COL4A1: variants seen among roughly 807,000 people sequenced by gnomAD.
The protein encoded by COL4A1 is collagen type IV alpha 1 chain, also known as collagen alpha-1(IV) chain.
COL4A1 carries 40 observed loss-of-function variants against 216.6 expected under a neutral mutation model. That is an observed-to-expected ratio of 0.18 (90% confidence interval 0.14 to 0.24). COL4A1 has a LOEUF of 0.24. Among genes scored for constraint, COL4A1 ranks in the 10% least tolerant of loss-of-function variants. The probability of loss-of-function intolerance (pLI) is 1.00; values close to 1 mark genes in which losing one functional copy is unlikely to be tolerated. For synonymous variants in COL4A1, 839 were observed against 810.7 expected (o/e 1.03, Z -0.59); for missense variants, 1,628 against 2,196.8 (o/e 0.74, Z 5.18).
chr13:110,187,101 T>C (rs376977912), intron 25 of COL4A1, 37 bp downstream of exon 25: 1 of 1,612,056 alleles, frequency 6.2e-7, no homozygotes, highest in East Asian at 2.2e-5. Flanking sequence ...AGATCCACAC[T>C]GTAAAATGCA....
chr13:110,193,095 C>T (rs566345251), intron 22 of COL4A1, among the ~76,000 whole-genome samples, 182 bp from the exon 23 acceptor site: 33 of 152,312 alleles, frequency 2.2e-4, no homozygotes, highest in African/African-American at 6.3e-4. Flanking sequence ...CAGTCAAACG[C>T]ACGTCCCTGT....
intron 1 of COL4A1, among the ~76,000 whole-genome samples, chr13:110,246,354 A>G (rs1881811936): frequency 1.3e-5 from 2 of 152,134 alleles, no homozygotes; most frequent in Admixed American, 6.5e-5. Context: ...AAAGAAAAAA[A>G]AAATACAAAG....
chr13:110,254,381 G>A (rs999386526), intron 1 of COL4A1, among the ~76,000 whole-genome samples: 21 of 152,156 alleles, frequency 1.4e-4, no homozygotes, highest in African/African-American at 4.8e-4. Context: ...TGAGGGCTCC[G>A]TTTGCCTCTG....
intron 18 of COL4A1, among the ~76,000 whole-genome samples, chr13:110,203,196 G>C (rs1879326013): frequency 6.6e-6 from 1 of 151,584 alleles, no homozygotes; most frequent in African/African-American, 2.4e-5. Flanking sequence ...CTGGGCAACA[G>C]AGCAAGACTC....
intron 2 of COL4A1, among the ~76,000 whole-genome samples, chr13:110,231,715 G>A (rs972240001): frequency 2.6e-5 from 4 of 152,160 alleles, no homozygotes; most frequent in African/African-American, 9.7e-5. Context: ...GTGGACATTG[G>A]TTCTCCAGCT....
chr13:110,209,292 CT>C (rs1490878378), intron 11 of COL4A1, 99 bp downstream of exon 11: 90 of 1,132,974 alleles, frequency 7.9e-5, no homozygotes, highest in East Asian at 1.4e-4. Context: ...AATTTTCCAA[CT>C]TTTTTTTAGA....
rs750159255 is a variant in COL4A1, at chr13:110,178,200, G to A, written c.2490C>T (p.Phe830=). ...GCATGTCCAGTCCAGGGAATCCGGG[G>A]AAACCCTTCTCTCCTTTTATTCCAG... ...GPPGIKGEKG[F]PGFPGLDMPG... The change falls in exon 32 of 52, where the codon TTC becomes TTT. Residue 830 remains phenylalanine (F), a synonymous_variant. Transcript: ENST00000375820. 9 of 1,614,116 alleles carry A rather than the reference G, an allele frequency of 5.6e-6. No homozygotes were observed. In the East Asian group the frequency reaches 1.8e-4, roughly 32 times the overall value.
chr13:110,181,850 G>T (rs1177182803), intron 28 of COL4A1, among the ~76,000 whole-genome samples: 1 of 152,168 alleles, frequency 6.6e-6, no homozygotes, highest in Non-Finnish European at 1.5e-5. Flanking sequence ...AAGGACACCT[G>T]CCCACTGTCT....
intron 2 of COL4A1, among the ~76,000 whole-genome samples, chr13:110,215,026 T>C (rs992960595): frequency 6.6e-5 from 10 of 152,224 alleles, no homozygotes; most frequent in Admixed American, 3.9e-4. Flanking sequence ...GAGTAACAAA[T>C]AGCGAGGTGT....
chr13:110,301,462 T>C (rs761897030), intron 1 of COL4A1, among the ~76,000 whole-genome samples: 2 of 152,246 alleles, frequency 1.3e-5, no homozygotes, highest in African/African-American at 2.4e-5. Context: ...GCTTACTTCA[T>C]GTGCACATGC....
intron 21 of COL4A1, 114 bp downstream of exon 21, chr13:110,198,353 C>T (rs1307960868): frequency 2.9e-5 from 32 of 1,109,018 alleles, no homozygotes; most frequent in South Asian, 1.2e-4. Context: ...GAAGAATCCA[C>T]GCCTTTCTAT....
intron 20 of COL4A1, 46 bp downstream of exon 20, chr13:110,200,808 A>C (rs772020865): frequency 1.3e-6 from 2 of 1,584,008 alleles, no homozygotes; most frequent in East Asian, 4.5e-5. Context: ...TAAACAGCAC[A>C]GAAGGTGTGC....
rs140929099 is a variant in COL4A1 at position 110,253,126 on chromosome 13, T to C, written c.85-10392A>G. On this transcript the variant is annotated intron_variant, in intron 1 of 51. Transcript: ENST00000375820. ...ACATATAACTATATGTACGTATGTA[T>C]TATATATACATATAACTATATGTAC... 2.7e-4 allele frequency among the ~76,000 whole-genome samples: 28 copies of C among 104,858 alleles called. 8 individuals are homozygous for C. Among genetic ancestry groups the C allele is most frequent in the Admixed American group, 6.2e-4 (6 of 9,724 alleles). The allele number at this position is 104,858 out of a possible 152,430, so 68.8% of individuals were successfully genotyped here.
chr13:110,176,360 C>T, intron 36 of COL4A1, 64 bp downstream of exon 36: 14 of 1,097,544 alleles, frequency 1.3e-5, no homozygotes, highest in Non-Finnish European at 2.0e-5. Context: ...TCTCATTCTG[C>T]AGACATGCCC....
intron 2 of COL4A1, among the ~76,000 whole-genome samples, chr13:110,222,165 C>T (rs1181326676): frequency 6.6e-6 from 1 of 152,014 alleles, no homozygotes; most frequent in Non-Finnish European, 1.5e-5. Context: ...CATTCGAGAG[C>T]GCTGCCTTCA....
At chr13:110,241,358 A>G (rs61428489) in intron 2 of COL4A1, among the ~76,000 whole-genome samples, 8,819 of 152,242 alleles carry the variant, frequency 0.058, 487 homozygotes, top group African/African-American at 0.15. Flanking sequence ...TCAAAGTCAC[A>G]TGGAAAACAG....
At chr13:110,224,226 TA>T (rs36099705) in intron 2 of COL4A1, among the ~76,000 whole-genome samples, 36,031 of 152,030 alleles carry the variant, frequency 0.24, 4,627 homozygotes, top group Admixed American at 0.28. Context: ...ATGACTTAGT[TA>T]AAAGATTTGG....
chr13:110,181,266 T>A, intron 29 of COL4A1, 26 bp downstream of exon 29: 3 of 1,602,824 alleles, frequency 1.9e-6, no homozygotes, highest in Non-Finnish European at 2.6e-6. Flanking sequence ...GGGAGAAGGG[T>A]CATGGAGGGA....
In COL4A1 at chr13:110,234,764, G is replaced by T. The variant is rs192144246; in HGVS notation, c.144+7911C>A. Among the ~76,000 whole-genome samples the T allele has an allele frequency of 2.6e-4, 39 of 152,232 alleles. No individual in the cohort carries two copies. In the East Asian group the frequency reaches 6.8e-3, roughly 26 times the overall value. On this transcript the variant is annotated intron_variant, in intron 2 of 51. Coordinates refer to ENST00000375820, the MANE Select transcript of COL4A1 (RefSeq NM_001845.6). ...TTTTCCCCAAACGCCTGTGTCCTTG[G>T]AACCTCTTCCCGTTTCCATCCCGGA...
Sources: allele counts gnomAD v4.1 joint callset (sites outside exome capture counted in the v4.1 genomes callset), GRCh38; gene constraint gnomAD v4.1.1; transcripts MANE v1.5; gene names NCBI Gene and HGNC (gene_info 2026-07-23, HGNC 2026-07-21).